MFAP5: variants seen among roughly 807,000 people sequenced by gnomAD.
MFAP5 encodes microfibrillar-associated protein 5.
A neutral mutation model predicts 30.1 loss-of-function variants in MFAP5; 19 were observed. That is an observed-to-expected ratio of 0.63 (90% CI 0.44 to 0.93). The LOEUF (loss-of-function observed/expected upper bound fraction) is 0.93. Ranked by LOEUF, MFAP5 falls within the 40% of genes least tolerant of loss-of-function variation. MFAP5 has a pLI of 0.00. For missense variants in MFAP5, 210 were observed against 221.3 expected (o/e 0.95, Z 0.32); for synonymous variants, 92 against 72.9 (o/e 1.26, Z -1.33).
At chr12:8,658,221 A>G (rs773830614) in intron 3 of MFAP5, among the ~76,000 whole-genome samples, 1 of 152,226 alleles carries the variant, frequency 6.6e-6, no homozygotes, top group South Asian at 2.1e-4. Context: ...TGGGTGGTGC[A>G]TGCCTGTAGT....
At chr12:8,655,568 T>C (rs777754782) in intron 4 of MFAP5, 121 bp from the exon 5 acceptor site, 8 of 1,101,312 alleles carry the variant, frequency 7.3e-6, no homozygotes, top group Non-Finnish European at 1.1e-5. Context: ...GCCTGTGGAC[T>C]CGGGCAGATG....
In MFAP5 at chr12:8,656,666, A is replaced by AT. The variant is rs1465516929; in HGVS notation, c.95-837dup. Among the ~76,000 whole-genome samples, 660 of 121,272 alleles carry AT rather than the reference A, an allele frequency of 5.4e-3. 11 individuals are homozygous for AT. Among genetic ancestry groups the AT allele is most frequent in the Non-Finnish European group, 6.3e-3 (374 of 59,438 alleles). The allele number at this position is 121,272 out of a possible 152,430, so 79.6% of individuals were successfully genotyped here. On this transcript the variant is annotated intron_variant, in intron 3 of 9. Coordinates refer to ENST00000359478, the MANE Select transcript of MFAP5 (RefSeq NM_003480.4). The stretch of plus-strand genomic sequence containing the variant: ...CACACACACATATATATATATATAT[A>AT]TATTTTTTTTTTTTGAGACAGAGTC...
chr12:8,661,359 A>G (rs1423976211), intron 2 of MFAP5, among the ~76,000 whole-genome samples: 1 of 152,090 alleles, frequency 6.6e-6, no homozygotes, highest in Non-Finnish European at 1.5e-5. Flanking sequence ...CCTAAAGTTC[A>G]CTTTCTGTGG....
chr12:8,660,775 A>G, intron 3 of MFAP5, 88 bp downstream of exon 3: 2 of 1,065,112 alleles, frequency 1.9e-6, no homozygotes, highest in Non-Finnish European at 2.7e-6. Flanking sequence ...TGGCAGCGAT[A>G]GATAAGCAGG....
chr12:8,662,569 A>G (rs1336970366), intron 1 of MFAP5, 58 bp downstream of exon 1: 1 of 171,108 alleles, frequency 5.8e-6, no homozygotes, highest in Non-Finnish European at 1.3e-5. Flanking sequence ...TCACACACAC[A>G]CAGACATACA....
chr12:8,654,249 A>AG, intron 6 of MFAP5, 188 bp downstream of exon 6: 1 of 540,784 alleles, frequency 1.8e-6, no homozygotes, highest in South Asian at 3.1e-5. Flanking sequence ...GAGAAAGATT[A>AG]GCACAGTTCC....
At position 8,649,555 on chromosome 12, in the gene MFAP5, C is replaced by T. The variant is rs192822432; in HGVS notation, c.355G>A (p.Val119Ile). The change falls in exon 9 of 10, where the codon GTC becomes ATC. Residue 119 changes from valine to isoleucine, a missense_variant. Coordinates refer to ENST00000359478, the MANE Select transcript of MFAP5 (RefSeq NM_003480.4). ...CFTSLRRMYI[V>I]NKEICSRLVC... is the part of the protein sequence containing the mutation. ...AGACGAGAGCAGATCTCCTTGTTGA[C>T]GATGTACATACGTCGTAAACTGCAG... 2.0e-5 allele frequency: 32 copies of T among 1,613,948 alleles called. No individual in the cohort carries two copies. Among genetic ancestry groups the T allele is most frequent in the South Asian group, 1.2e-4 (11 of 91,082 alleles).
At chr12:8,654,940 CAA>C (rs34739708) in intron 5 of MFAP5, among the ~76,000 whole-genome samples, 88 of 114,582 alleles carry the variant, frequency 7.7e-4, no homozygotes, top group East Asian at 9.9e-4. Context: ...GACTCTGTCT[CAA>C]AAAAAAAAAA....
chr12:8,649,976 T>C lies in MFAP5; in HGVS notation c.336-402A>G, dbSNP rs1244735662. ...TCCCCAAAGTCCATTATATCATTCT[T>C]ATGTTTTTGCCTCCTCATAGCTTAG... is the stretch of plus-strand genomic sequence containing the variant. On this transcript the variant is annotated intron_variant, in intron 8 of 9. Coordinates refer to ENST00000359478, the MANE Select transcript of MFAP5 (RefSeq NM_003480.4). 2.0e-5 allele frequency among the ~76,000 whole-genome samples: 3 copies of C among 152,194 alleles called. No homozygotes were observed. The East Asian group carries it at 5.8e-4, about 29-fold the overall frequency.
In MFAP5 at chr12:8,655,395, T is replaced by TC; in HGVS notation, c.172+19_172+20insG. The TC allele has an allele frequency of 1.3e-6, 2 of 1,582,694 alleles. No homozygotes were observed. The highest frequency in any genetic ancestry group is 1.7e-4 in the Middle Eastern group (1 of 5,942). On this transcript the variant is annotated intron_variant, in intron 5 of 9. Coordinates refer to ENST00000359478, the MANE Select transcript of MFAP5 (RefSeq NM_003480.4). Reference sequence around the variant, plus strand: ...TAACAAGAACCATGCCATTTTTTTTTTAACTGCGGTAAAATTTACCTGTTT... The same window carrying TC: ...TAACAAGAACCATGCCATTTTTTTTTCTAACTGCGGTAAAATTTACCTGTTT...
At position 8,651,661 on chromosome 12, in the gene MFAP5, C is replaced by G. The variant is rs1439276264; in HGVS notation, c.247+1G>C. The G allele has an allele frequency of 1.2e-6, 2 of 1,613,910 alleles. No homozygotes were observed. Among genetic ancestry groups the G allele is most frequent in the South Asian group, 1.1e-5 (1 of 91,076 alleles). ...AGAAGGCATGCAAGCAACAATCATA[C>G]CTGCAGTGGTATTTTTTTCACTGAG... On this transcript the variant is annotated splice_donor_variant, in intron 7 of 9. Coordinates refer to ENST00000359478, the MANE Select transcript of MFAP5 (RefSeq NM_003480.4). LOFTEE classifies it high-confidence loss of function.
At chr12:8,655,326 A>G (rs1321639686) in intron 5 of MFAP5, 89 bp downstream of exon 5, 10 of 1,206,378 alleles carry the variant, frequency 8.3e-6, no homozygotes, top group Non-Finnish European at 1.1e-5. Flanking sequence ...GCAAATATAA[A>G]AGCACAGAAT....
At chr12:8,657,592 C>G (rs1220936741) in intron 3 of MFAP5, among the ~76,000 whole-genome samples, 2 of 120,692 alleles carry the variant, frequency 1.7e-5, no homozygotes, top group South Asian at 2.7e-4. Flanking sequence ...TTTTTTGAGA[C>G]GGAGTCTCGC....
chr12:8,652,804 T>C (rs1379943598), intron 6 of MFAP5, among the ~76,000 whole-genome samples: 1 of 152,238 alleles, frequency 6.6e-6, no homozygotes, highest in Non-Finnish European at 1.5e-5. Flanking sequence ...ATTCAATGTA[T>C]ATCCAACAGA....
At chr12:8,656,262 G>GTTTTAGCCGGGA (rs1555139455) in intron 3 of MFAP5, among the ~76,000 whole-genome samples, 3 of 151,138 alleles carry the variant, frequency 2.0e-5, no homozygotes, top group Admixed American at 1.3e-4. Flanking sequence ...GGGTTTCACC[G>GTTTTAGCCGGGA]TGGTCTCGAT....
Position 8,662,101 on chromosome 12 carries a change from A to T in MFAP5, c.4T>A (p.Ser2Thr), listed in dbSNP as rs1305880395. The change falls in exon 2 of 10, where the codon TCG (serine) becomes ACG (threonine). Residue 2 changes from serine (S) to threonine (T), a missense_variant. Physicochemically the swap from Ser to Thr is moderately conservative, Grantham distance 58. Coordinates refer to ENST00000359478, the MANE Select transcript of MFAP5 (RefSeq NM_003480.4). The part of the protein sequence containing the change: M[S>T]LLGPKVLLFL... The stretch of plus-strand genomic sequence containing the variant: ...AGCAGCACCTTGGGTCCCAAGAGCG[A>T]CATATCTATAGGGGTGGTGGGCATA... 2.5e-6 allele frequency: 4 copies of T among 1,613,396 alleles called. No individual in the cohort carries two copies. The highest frequency in any genetic ancestry group is 3.4e-6 in the Non-Finnish European group (4 of 1,179,934).
chr12:8,658,358 C>A (rs1366754809), intron 3 of MFAP5, among the ~76,000 whole-genome samples: 1 of 152,080 alleles, frequency 6.6e-6, no homozygotes, highest in Non-Finnish European at 1.5e-5. Context: ...AAAAAAAATT[C>A]ATCAGGCTTG....
chr12:8,649,540 A>G lies in MFAP5; in HGVS notation c.370T>C (p.Cys124Arg). 6.2e-7 allele frequency: 1 copy of G among 1,614,154 alleles called. No individual in the cohort carries two copies. The highest frequency in any genetic ancestry group is 8.5e-7 in the Non-Finnish European group (1 of 1,180,024). Residue 124 changes from cysteine to arginine, a missense_variant, in exon 9 of 10, where the codon TGC (cysteine) becomes CGC (arginine). Cys to Arg is a radical substitution (Grantham distance 180, BLOSUM62 -3). Coordinates refer to ENST00000359478, the MANE Select transcript of MFAP5 (RefSeq NM_003480.4). Reference sequence around the variant, plus strand: ...TGTTCCTTACAGACAAGACGAGAGCAGATCTCCTTGTTGACGATGTACATA... The same window carrying G: ...TGTTCCTTACAGACAAGACGAGAGCGGATCTCCTTGTTGACGATGTACATA... ...RRMYIVNKEI[C>R]SRLVCKEHEA...
At chr12:8,657,852 A>G (rs909093257) in intron 3 of MFAP5, among the ~76,000 whole-genome samples, 3 of 152,166 alleles carry the variant, frequency 2.0e-5, no homozygotes, top group Non-Finnish European at 4.4e-5. Context: ...GATTACAGGC[A>G]TAAGCCACCA....
Sources: allele counts gnomAD v4.1 joint callset (sites outside exome capture counted in the v4.1 genomes callset), GRCh38; gene constraint gnomAD v4.1.1; transcripts MANE v1.5; gene names NCBI Gene and HGNC (gene_info 2026-07-23, HGNC 2026-07-21).